The following FOXO3 variants were observed in gnomAD, a reference collection of about 807,000 sequenced individuals.
FOXO3 encodes forkhead box protein O3.
A neutral mutation model predicts 41.9 loss-of-function variants in FOXO3; 4 were observed. That is an observed-to-expected ratio of 0.10 (90% CI 0.05 to 0.22). The LOEUF (loss-of-function observed/expected upper bound fraction) is 0.22, where lower values mean the gene tolerates loss of function less well. Among genes scored for constraint, FOXO3 ranks in the 10% least tolerant of loss-of-function variants. The pLI, the probability that FOXO3 is intolerant of heterozygous loss-of-function variation, is 1.00. For missense variants in FOXO3, 534 were observed against 906.8 expected, an observed-to-expected ratio of 0.59 and a Z score of 5.28; for synonymous variants, 318 against 389.3, an observed-to-expected ratio of 0.82 and a Z score of 2.16.
rs1778958453 is a variant in FOXO3 at position 108,663,876 on chromosome 6, A to G, written c.1043A>G (p.Tyr348Cys). The change falls in exon 2 of 3, where the codon TAC (tyrosine) becomes TGC (cysteine). Residue 348 changes from tyrosine (Y) to cysteine (C), a missense_variant. This residue lies in a region of FOXO3 where 185 missense variants were observed against 224.9 expected (regional missense o/e 0.82). Coordinates refer to ENST00000406360, the MANE Select transcript of FOXO3 (RefSeq NM_001455.4). ...DDDAPLSPML[Y>C]SSSASLSPSV... ...GATGCGCCTCTCTCGCCCATGCTCTACAGCAGCTCAGCCAGCCTGTCACCT... is the reference window on the plus strand; with the variant it reads ...GATGCGCCTCTCTCGCCCATGCTCTGCAGCAGCTCAGCCAGCCTGTCACCT... The G allele has an allele frequency of 6.2e-7, 1 of 1,614,158 alleles. No individual in the cohort carries two copies. Among genetic ancestry groups the G allele is most frequent in the Non-Finnish European group, 8.5e-7 (1 of 1,179,992 alleles).
chr6:108,663,545 C>A lies in FOXO3; in HGVS notation c.712C>A (p.Pro238Thr). Reference sequence around the variant, plus strand: ...CAAGAGCTCTTGGTGGATCATCAACCCTGATGGGGGGAAGAGCGGAAAAGC... The same window carrying A: ...CAAGAGCTCTTGGTGGATCATCAACACTGATGGGGGGAAGAGCGGAAAAGC... ...TGKSSWWIIN[P>T]DGGKSGKAPR... Residue 238 changes from proline (P) to threonine (T), a missense_variant, in exon 2 of 3, where the codon CCT (proline) becomes ACT (threonine). Pro to Thr is a conservative substitution (Grantham distance 38). Coordinates refer to ENST00000406360, the MANE Select transcript of FOXO3 (RefSeq NM_001455.4). 6.2e-7 allele frequency: 1 copy of A among 1,613,748 alleles called. No homozygotes were observed. The highest frequency in any genetic ancestry group is 8.5e-7 in the Non-Finnish European group (1 of 1,179,716).
At chr6:108,642,675 A>G (rs543315397) in intron 1 of FOXO3, among the ~76,000 whole-genome samples, 2 of 152,322 alleles carry the variant, frequency 1.3e-5, no homozygotes, top group East Asian at 3.9e-4. Context: ...AAAGTTCGGC[A>G]GCTCTCATCC....
chr6:108,646,242 A>C (rs557473322), intron 1 of FOXO3, among the ~76,000 whole-genome samples: 2 of 152,126 alleles, frequency 1.3e-5, no homozygotes, highest in African/African-American at 4.8e-5. Context: ...ATGTCATTCT[A>C]TTTTCAAAGC....
chr6:108,639,622 C>G, intron 1 of FOXO3: 1 of 980,916 alleles, frequency 1.0e-6, no homozygotes, highest in Non-Finnish European at 1.2e-6. Context: ...TTGGTTTGCT[C>G]CTGGTTGAGC....
At chr6:108,650,369 C>T (rs1015490810) in intron 1 of FOXO3, among the ~76,000 whole-genome samples, 11 of 152,154 alleles carry the variant, frequency 7.2e-5, no homozygotes, top group African/African-American at 2.2e-4. Context: ...CTGTTTCCTA[C>T]GTTCTTTTAG....
At chr6:108,576,759 C>G (rs1329634821) in intron 1 of FOXO3, among the ~76,000 whole-genome samples, 1 of 152,192 alleles carries the variant, frequency 6.6e-6, no homozygotes, top group Non-Finnish European at 1.5e-5. Context: ...AGATGATTTT[C>G]ACCTGACATC....
At chr6:108,567,309 G>T (rs1775973712) in intron 1 of FOXO3, among the ~76,000 whole-genome samples, 1 of 152,136 alleles carries the variant, frequency 6.6e-6, no homozygotes, top group Admixed American at 6.5e-5. Context: ...GGCTCCTGTG[G>T]ATTGGGTCTG....
chr6:108,632,596 C>T (rs191773444), intron 1 of FOXO3, among the ~76,000 whole-genome samples: 1 of 152,218 alleles, frequency 6.6e-6, no homozygotes, highest in African/African-American at 2.4e-5. Flanking sequence ...ATCCCTCCTC[C>T]TTCCCATATT....
intron 1 of FOXO3, among the ~76,000 whole-genome samples, chr6:108,644,974 A>T (rs1778356382): frequency 6.6e-6 from 1 of 152,098 alleles, no homozygotes; most frequent in South Asian, 2.1e-4. Context: ...CTGTCTGTTC[A>T]CTCACATTTG....
chr6:108,560,202 G>A (rs574003482), upstream of FOXO3, among the ~76,000 whole-genome samples: 1 of 152,324 alleles, frequency 6.6e-6, no homozygotes, highest in Non-Finnish European at 1.5e-5. Context: ...CGGGAGCAAG[G>A]AGGTGATGAA....
At position 108,618,285 on chromosome 6, in the gene FOXO3, T is replaced by C. The variant is rs145758393; in HGVS notation, c.622-45170T>C. ...CCTTCCTGGGGCTTTTTGTCAGCCATGATGAGCACCGGTTTCTCCTCAGCT... is the reference window on the plus strand; with the variant it reads ...CCTTCCTGGGGCTTTTTGTCAGCCACGATGAGCACCGGTTTCTCCTCAGCT... On this transcript the variant is annotated intron_variant, in intron 1 of 2. Transcript: ENST00000406360. The C allele has an allele frequency of 4.1e-4, 295 of 727,438 alleles. 2 individuals carry two copies. The African/African-American group carries it at 4.5e-3, about 11-fold the overall frequency. The allele number at this position is 727,438 out of a possible 1,614,324, so 45.1% of individuals were successfully genotyped here.
chr6:108,580,041 G>C (rs1322965018), intron 1 of FOXO3, among the ~76,000 whole-genome samples: 1 of 152,110 alleles, frequency 6.6e-6, no homozygotes, highest in Non-Finnish European at 1.5e-5. Context: ...TTCTGTGTTG[G>C]TGTGAATGGG....
chr6:108,593,751 CT>C (rs1414636683), intron 1 of FOXO3, among the ~76,000 whole-genome samples: 2 of 139,068 alleles, frequency 1.4e-5, no homozygotes, highest in African/African-American at 2.8e-5. Context: ...TAGTCTCGCC[CT>C]GTCACCCAGT....
At chr6:108,601,015 CT>C (rs962191693) in intron 1 of FOXO3, among the ~76,000 whole-genome samples, 6 of 149,580 alleles carry the variant, frequency 4.0e-5, no homozygotes, top group South Asian at 2.1e-4. Flanking sequence ...TTCCTATTGT[CT>C]TTTTTTTTTC....
intron 1 of FOXO3, among the ~76,000 whole-genome samples, chr6:108,638,031 A>G (rs1778164132): frequency 6.6e-6 from 1 of 152,248 alleles, no homozygotes; most frequent in African/African-American, 2.4e-5. Context: ...AAAAATGTCA[A>G]AATGGTTAAG....
At chr6:108,649,008 T>TAAAA (rs10612637) in intron 1 of FOXO3, among the ~76,000 whole-genome samples, 3 of 79,102 alleles carry the variant, frequency 3.8e-5, no homozygotes, top group Non-Finnish European at 7.3e-5. Flanking sequence ...ACCTATCTCT[T>TAAAA]AAAAAAAAAA....
At chr6:108,560,909 C>T (rs375431872), upstream of FOXO3, 11 of 1,204,754 alleles carry the variant, frequency 9.1e-6, no homozygotes, top group African/African-American at 3.2e-5. Context: ...GCGGCCTGGC[C>T]GGGGGGCGGT....
At chr6:108,562,718 C>T (rs1042449429) in intron 1 of FOXO3, among the ~76,000 whole-genome samples, 4 of 151,772 alleles carry the variant, frequency 2.6e-5, no homozygotes, top group African/African-American at 9.7e-5. Flanking sequence ...AAGAGAGACT[C>T]TCTACCGTTC....
chr6:108,580,456 G>C (rs1936556030), intron 1 of FOXO3, among the ~76,000 whole-genome samples: 1 of 152,134 alleles, frequency 6.6e-6, no homozygotes, highest in Admixed American at 6.5e-5. Flanking sequence ...AAAGTGTTGG[G>C]ATTACAGGCG....
Sources: allele counts gnomAD v4.1 joint callset (sites outside exome capture counted in the v4.1 genomes callset), GRCh38; gene constraint gnomAD v4.1.1; regional missense constraint gnomAD v4.1.1; transcripts MANE v1.5; gene names NCBI Gene and HGNC (gene_info 2026-07-23, HGNC 2026-07-21).